Variants in SRRD observed in about 807,000 individuals in gnomAD.
SRRD encodes the protein SRR1 domain containing.
Under a neutral mutation model 30.7 loss-of-function variants are expected in SRRD, and 28 were observed. The ratio of observed to expected loss-of-function variants is 0.91; its 90% CI spans 0.68 to 1.25. The LOEUF (loss-of-function observed/expected upper bound fraction) is 1.25. SRRD is among the 50% of genes most tolerant of loss of function. SRRD has a pLI of 0.00. For synonymous variants in SRRD, 161 were observed against 159.6 expected, an observed-to-expected ratio of 1.01 and a Z score of -0.07; for missense variants, 415 against 417.3, an observed-to-expected ratio of 0.99 and a Z score of 0.05.
At chr22:26,487,966 G>A in intron 2 of SRRD, 63 bp from the exon 3 acceptor site, 1 of 1,517,082 alleles carries the variant, frequency 6.6e-7, no homozygotes, top group Non-Finnish European at 8.8e-7. Context: ...TTCTTTTGTG[G>A]ATGATTTGGT....
chr22:26,484,786 G>A (rs978119188), intron 1 of SRRD, among the ~76,000 whole-genome samples: 1 of 152,222 alleles, frequency 6.6e-6, no homozygotes, highest in African/African-American at 2.4e-5. Flanking sequence ...TACATAGAGA[G>A]TGCCTAATAC....
rs1048479505 is a variant in SRRD at position 26,492,362 on chromosome 22, T to C, written c.*690T>C. ...GTTCTCCCGTGCTCCTGGCTGCATG[T>C]AGGCACCTAAGATACAGGAGGACAG... On this transcript the variant is annotated 3_prime_UTR_variant, in exon 7 of 7. Coordinates refer to ENST00000215917, the MANE Select transcript of SRRD (RefSeq NM_001013694.3). 3.1e-6 allele frequency: 5 copies of C among 1,613,918 alleles called. No individual in the cohort carries two copies. Among genetic ancestry groups the C allele is most frequent in the African/African-American group, 2.7e-5 (2 of 74,900 alleles).
At position 26,488,148 on chromosome 22, in the gene SRRD, A is replaced by G; in HGVS notation, c.370A>G (p.Thr124Ala). ...DSLPEESDVA[T>A]DSIPREILVT... is the part of the protein sequence containing the mutation. Reference sequence around the variant, plus strand: ...ATTGCCAGAGGAGTCAGATGTGGCCACTGATTCTATCCCAAGAGAGATCTT... The same window carrying G: ...ATTGCCAGAGGAGTCAGATGTGGCCGCTGATTCTATCCCAAGAGAGATCTT... The change falls in exon 3 of 7, where the codon ACT becomes GCT. Residue 124 changes from threonine to alanine, a missense_variant. Coordinates refer to ENST00000215917, the MANE Select transcript of SRRD (RefSeq NM_001013694.3). 1 of 1,614,200 alleles carries G rather than the reference A, an allele frequency of 6.2e-7. No homozygotes were observed. Among genetic ancestry groups the G allele is most frequent in the South Asian group, 1.1e-5 (1 of 91,090 alleles).
intron 2 of SRRD, among the ~76,000 whole-genome samples, chr22:26,487,526 A>C (rs1210312423): frequency 2.0e-5 from 3 of 151,508 alleles, no homozygotes; most frequent in Non-Finnish European, 4.4e-5. Context: ...CGCCTGACTA[A>C]TTTTTTGTAT....
chr22:26,488,092 C>G lies in SRRD; in HGVS notation c.314C>G (p.Ser105Ter). 6.2e-7 allele frequency: 1 copy of G among 1,614,190 alleles called. No homozygotes were observed. Among genetic ancestry groups the G allele is most frequent in the Non-Finnish European group, 8.5e-7 (1 of 1,180,016 alleles). The change falls in exon 3 of 7, where the codon TCA becomes TGA. Residue 105 changes from serine (S) to a stop codon, truncating the protein, a stop_gained. Coordinates refer to ENST00000215917, the MANE Select transcript of SRRD (RefSeq NM_001013694.3). LOFTEE classifies it high-confidence loss of function. The part of the protein sequence containing the change: ...EQLKAPVGTL[S>*]DIFGNLHLDS... ...CTGAAGGCCCCTGTGGGGACTCTTTCAGACATCTTTGGAAACCTGCATCTT... is the reference window on the plus strand; with the variant it reads ...CTGAAGGCCCCTGTGGGGACTCTTTGAGACATCTTTGGAAACCTGCATCTT...
In SRRD at chr22:26,494,576, G is replaced by A; in HGVS notation, c.*2904G>A. On this transcript the variant is annotated 3_prime_UTR_variant, in exon 7 of 7. Coordinates refer to ENST00000215917, the MANE Select transcript of SRRD (RefSeq NM_001013694.3). ...ATCCCCTACCCCATAGGGTTGCTGA[G>A]AGGAGCTGAGATAAAGCAAATAAAG... 1 of 725,970 alleles carries A rather than the reference G, an allele frequency of 1.4e-6. No individual in the cohort carries two copies. The highest frequency in any genetic ancestry group is 1.9e-5 in the South Asian group (1 of 52,688). 45.0% of individuals were successfully genotyped at this position (725,970 alleles called of 1,614,324 possible).
At chr22:26,486,675 G>A in intron 2 of SRRD, among the ~76,000 whole-genome samples, 1 of 152,274 alleles carries the variant, frequency 6.6e-6, no homozygotes, top group Middle Eastern at 3.4e-3. Flanking sequence ...ACCACAACCA[G>A]CCTTTTTAAG....
intron 2 of SRRD, among the ~76,000 whole-genome samples, chr22:26,487,199 G>T (rs974492951): frequency 3.9e-5 from 6 of 152,118 alleles, no homozygotes; most frequent in Admixed American, 3.3e-4. Flanking sequence ...GGGATTACAG[G>T]TGTGAGCCAC....
At chr22:26,489,287 T>C (rs2091730589) in intron 4 of SRRD, among the ~76,000 whole-genome samples, 1 of 152,076 alleles carries the variant, frequency 6.6e-6, no homozygotes, top group Admixed American at 6.6e-5. Flanking sequence ...TGGGAGCCAG[T>C]CCCTGTGTTC....
At chr22:26,489,364 G>C (rs2091731356) in intron 4 of SRRD, among the ~76,000 whole-genome samples, 1 of 152,116 alleles carries the variant, frequency 6.6e-6, no homozygotes, top group African/African-American at 2.4e-5. Context: ...ACTACGACAG[G>C]TGTTCGGAGG....
rs528596348 is a variant in SRRD at position 26,491,856 on chromosome 22, T to C, written c.*184T>C. The stretch of plus-strand genomic sequence containing the variant: ...ATAAAGATTCCTGCCCTACGTGGCA[T>C]TGTCCCATTTTACATCCTTCCCTCA... On this transcript the variant is annotated 3_prime_UTR_variant, in exon 7 of 7. Coordinates refer to ENST00000215917, the MANE Select transcript of SRRD (RefSeq NM_001013694.3). 8.9e-5 allele frequency: 84 copies of C among 942,918 alleles called. No homozygotes were observed. Among genetic ancestry groups the C allele is most frequent in the Admixed American group, 5.1e-4 (19 of 37,140 alleles). 58.4% of individuals were successfully genotyped at this position (942,918 alleles called of 1,614,324 possible).
chr22:26,490,173 AAC>A lies in SRRD; in HGVS notation c.741_742del (p.Asn247LysfsTer6). The A allele has an allele frequency of 6.2e-7, 1 of 1,614,138 alleles. No homozygotes were observed. Among genetic ancestry groups the A allele is most frequent in the Non-Finnish European group, 8.5e-7 (1 of 1,180,012 alleles). ...DALSKMVIIG[N>X]SFKGLEERLL... ...CCTTTCTAAGATGGTCATCATTGGG[AAC>A]AGTTTCAAAGGACTTGAGGAGAGGT... On this transcript the variant is annotated frameshift_variant, in exon 5 of 7. Transcript: ENST00000215917. LOFTEE classifies it high-confidence loss of function.
chr22:26,490,581 T>TTTTTTTTTTTTTTTTTA (rs1921041695), intron 5 of SRRD, among the ~76,000 whole-genome samples: 2 of 142,112 alleles, frequency 1.4e-5, no homozygotes, highest in African/African-American at 2.6e-5. Flanking sequence ...TTTTTTTTTT[T>TTTTTTTTTTTTTTTTTA]GAGATGGAGT....
In SRRD at chr22:26,493,772, G is replaced by A. The variant is rs539052539; in HGVS notation, c.*2100G>A. 6 of 218,732 alleles carry A rather than the reference G, an allele frequency of 2.7e-5. No homozygotes were observed. The highest frequency in any genetic ancestry group is 9.2e-5 in the African/African-American group (4 of 43,520). 13.5% of individuals were successfully genotyped at this position (218,732 alleles called of 1,614,324 possible). On this transcript the variant is annotated 3_prime_UTR_variant, in exon 7 of 7. Transcript: ENST00000215917. ...GAGCAATCACCAAGTGTCAGACCGC[G>A]TGCCAAACTCCACACTGTAAGATGC...
intron 5 of SRRD, 78 bp downstream of exon 5, chr22:26,490,276 A>G (rs1921005048): frequency 1.3e-6 from 2 of 1,520,824 alleles, no homozygotes; most frequent in Non-Finnish European, 1.8e-6. Context: ...TGCAGAAAAC[A>G]TTTCCTTGAC....
Position 26,484,003 on chromosome 22 carries a change from AGGCGGCGCCCCGGGGGAGAG to A in SRRD, c.114_133del (p.Ala39GlyfsTer13), listed in dbSNP as rs1602169920. ...AGGGAGGCGGCGCCCCGGGGGAGAG[AGGCGGCGCCCCGGGGGAGAG>A]AGGCGGCGCCCCGGGGCCCCGAGGC... On this transcript the variant is annotated frameshift_variant, in exon 1 of 7. Transcript: ENST00000215917. LOFTEE classifies it high-confidence loss of function. 1.5e-6 allele frequency: 2 copies of A among 1,305,482 alleles called. No individual in the cohort carries two copies. Among genetic ancestry groups the A allele is most frequent in the East Asian group, 7.1e-5 (2 of 28,112 alleles). 80.9% of individuals were successfully genotyped at this position (1,305,482 alleles called of 1,614,324 possible).
chr22:26,485,960 AG>A (rs2091705655), intron 1 of SRRD, 62 bp from the exon 2 acceptor site: 5 of 1,599,740 alleles, frequency 3.1e-6, no homozygotes, highest in Admixed American at 1.7e-5. Context: ...TGATCAGGAA[AG>A]TTACTGTTGG....
rs759190048 is a variant in SRRD at position 26,492,100 on chromosome 22, G to A, written c.*428G>A. The A allele has an allele frequency of 6.2e-7, 1 of 1,614,102 alleles. No individual in the cohort carries two copies. Among genetic ancestry groups the A allele is most frequent in the Non-Finnish European group, 8.5e-7 (1 of 1,179,984 alleles). ...CAAAGACCACTCCCCGGTCGATGTA[G>A]ATCACAATGCGGCCAAAGGTGTAGA... On this transcript the variant is annotated 3_prime_UTR_variant, in exon 7 of 7. Coordinates refer to ENST00000215917, the MANE Select transcript of SRRD (RefSeq NM_001013694.3).
At position 26,488,210 on chromosome 22, in the gene SRRD, C is replaced by A; in HGVS notation, c.432C>A (p.Tyr144Ter). The A allele has an allele frequency of 1.2e-6, 2 of 1,614,178 alleles. No individual in the cohort carries two copies. Residue 144 changes from tyrosine to a stop codon, truncating the protein, a stop_gained, in exon 3 of 7, where the codon TAC (tyrosine) becomes TAA (stop). Coordinates refer to ENST00000215917, the MANE Select transcript of SRRD (RefSeq NM_001013694.3). LOFTEE classifies it high-confidence loss of function. Reference protein sequence around the residue: ...TGTCHLKCVCYGIGNFATCIV... With the variant: ...TGTCHLKCVC ...CCTGCCATTTGAAGTGTGTGTGTTA[C>A]GGCATTGGGAACTTTGCCACCTGCA...
Sources: allele counts gnomAD v4.1 joint callset (sites outside exome capture counted in the v4.1 genomes callset), GRCh38; gene constraint gnomAD v4.1.1; transcripts MANE v1.5; gene names NCBI Gene and HGNC (gene_info 2026-07-23, HGNC 2026-07-21).